The following GRM7 variants were observed in gnomAD, a reference collection of about 807,000 sequenced individuals.
The protein encoded by GRM7 is glutamate metabotropic receptor 7.
A neutral mutation model predicts 84.5 loss-of-function variants in GRM7; 35 were observed. The ratio of observed to expected loss-of-function variants is 0.41; its 90% CI spans 0.32 to 0.55. The LOEUF is 0.55. GRM7 is among the 20% of genes least tolerant of loss of function. The pLI, the probability that GRM7 is intolerant of heterozygous loss-of-function variation, is 0.19. For missense variants in GRM7, 1,003 were observed against 1,194.6 expected (o/e 0.84, Z 2.36); for synonymous variants, 487 against 455.1 (o/e 1.07, Z -0.89).
intron 8 of GRM7, among the ~76,000 whole-genome samples, chr3:7,664,697 A>C (rs73810851): frequency 0.063 from 9,564 of 152,180 alleles, 1,000 homozygotes; most frequent in African/African-American, 0.22. Flanking sequence ...TCTTATATGT[A>C]AGCTAAATAG....
At chr3:6,937,480 C>CATCTAGT (rs1261215157) in intron 1 of GRM7, among the ~76,000 whole-genome samples, 1 of 152,062 alleles carries the variant, frequency 6.6e-6, no homozygotes. Flanking sequence ...GACATGAATG[C>CATCTAGT]ATCTAGTATA....
intron 1 of GRM7, among the ~76,000 whole-genome samples, chr3:6,972,238 G>A (rs965574338): frequency 3.3e-5 from 5 of 152,118 alleles, no homozygotes; most frequent in Non-Finnish European, 2.9e-5. Flanking sequence ...ATGCAGGGCA[G>A]GAAGGCACTC....
At chr3:7,253,012 TAAAAAA>T (rs539835390) in intron 2 of GRM7, among the ~76,000 whole-genome samples, 3 of 70,796 alleles carry the variant, frequency 4.2e-5, no homozygotes, top group Non-Finnish European at 7.3e-5. Flanking sequence ...TGGCTTTTCT[TAAAAAA>T]AAAAAAAAAA....
intron 1 of GRM7, among the ~76,000 whole-genome samples, chr3:6,945,714 T>A (rs1204540693): frequency 6.6e-6 from 1 of 152,148 alleles, no homozygotes; most frequent in African/African-American, 2.4e-5. Flanking sequence ...CCACATCCTC[T>A]CCAGCACCTG....
At chr3:7,393,334 G>C (rs1423572844) in intron 4 of GRM7, among the ~76,000 whole-genome samples, 1 of 152,170 alleles carries the variant, frequency 6.6e-6, no homozygotes, top group Non-Finnish European at 1.5e-5. Context: ...ATCTCTGTGT[G>C]AGCTTCAGGT....
intron 1 of GRM7, among the ~76,000 whole-genome samples, chr3:7,018,915 G>A (rs1249393815): frequency 6.6e-6 from 1 of 152,138 alleles, no homozygotes; most frequent in East Asian, 1.9e-4. Flanking sequence ...TGGCCAGCAT[G>A]GTGAAACCCC....
At chr3:7,199,428 C>T (rs969239237) in intron 2 of GRM7, among the ~76,000 whole-genome samples, 1 of 152,178 alleles carries the variant, frequency 6.6e-6, no homozygotes, top group Non-Finnish European at 1.5e-5. Flanking sequence ...TCCCTGAATC[C>T]CTGACCCACA....
At chr3:7,167,702 G>A (rs981590969) in intron 2 of GRM7, among the ~76,000 whole-genome samples, 31 of 152,112 alleles carry the variant, frequency 2.0e-4, no homozygotes, top group Admixed American at 7.8e-4. Flanking sequence ...GGGCACGGGG[G>A]CTCACGCCTG....
intron 2 of GRM7, among the ~76,000 whole-genome samples, chr3:7,276,237 G>A (rs965458303): frequency 6.6e-6 from 1 of 150,602 alleles, no homozygotes; most frequent in Non-Finnish European, 1.5e-5. Flanking sequence ...GTGTGTGTGT[G>A]TGTGTGTGTG....
intron 1 of GRM7, among the ~76,000 whole-genome samples, chr3:6,998,381 T>TC (rs946096535): frequency 6.6e-6 from 1 of 152,006 alleles, no homozygotes; most frequent in Non-Finnish European, 1.5e-5. Context: ...CAGGGTACAG[T>TC]CCCCCCCAAA....
intron 7 of GRM7, among the ~76,000 whole-genome samples, chr3:7,464,742 G>A (rs1044072438): frequency 4.6e-5 from 7 of 151,262 alleles, no homozygotes; most frequent in Non-Finnish European, 4.4e-5. Context: ...GCAGGAGAAT[G>A]GCATGAACCC....
intron 1 of GRM7, among the ~76,000 whole-genome samples, chr3:6,986,130 T>A (rs555524380): frequency 6.6e-6 from 1 of 152,278 alleles, no homozygotes; most frequent in Admixed American, 6.5e-5. Context: ...TAGTAGCTAT[T>A]CTTAGTAACA....
In GRM7 at chr3:7,255,072, T is replaced by A. The variant is rs550467746; in HGVS notation, c.737-43612T>A. Among the ~76,000 whole-genome samples the A allele has an allele frequency of 2.0e-5, 3 of 152,322 alleles. No individual in the cohort carries two copies. In the East Asian group the frequency reaches 5.8e-4, roughly 29 times the overall value. On this transcript the variant is annotated intron_variant, in intron 2 of 9. Transcript: ENST00000357716. ...TCCATTTTCCTCTGCAAATATTTCATGGTAAGAAAGTACTGGTTTTGTTCT... is the reference window on the plus strand; with the variant it reads ...TCCATTTTCCTCTGCAAATATTTCAAGGTAAGAAAGTACTGGTTTTGTTCT...
chr3:7,261,359 A>G (rs559284330), intron 2 of GRM7, among the ~76,000 whole-genome samples: 170 of 152,246 alleles, frequency 1.1e-3, no homozygotes, highest in African/African-American at 4.0e-3. Flanking sequence ...TTATTGCACT[A>G]TGGTCCAAGA....
chr3:7,142,129 A>G (rs1285136263), intron 1 of GRM7, among the ~76,000 whole-genome samples: 2 of 152,104 alleles, frequency 1.3e-5, no homozygotes, highest in African/African-American at 4.8e-5. Context: ...GGCTTAGGTT[A>G]GGTCAAATAT....
At chr3:6,908,576 C>G (rs1180964746) in intron 1 of GRM7, among the ~76,000 whole-genome samples, 1 of 152,138 alleles carries the variant, frequency 6.6e-6, no homozygotes. Context: ...TGCCTTTTCA[C>G]AGGTGATTAT....
At chr3:7,224,203 G>A in intron 2 of GRM7, among the ~76,000 whole-genome samples, 1 of 152,208 alleles carries the variant, frequency 6.6e-6, no homozygotes, top group Admixed American at 6.5e-5. Flanking sequence ...TTCTGGGGAA[G>A]CCTGAGGAAA....
rs73808611 is a variant in GRM7 at position 7,020,539 on chromosome 3, C to A, written c.520-125913C>A. On this transcript the variant is annotated intron_variant, in intron 1 of 9. Transcript: ENST00000357716. ...ATTCCTGGAGTCCAACCCATACCTA[C>A]TGACATAATGTTTGAGAATCTGGGA... Among the ~76,000 whole-genome samples, 706 of 152,258 alleles carry A rather than the reference C, an allele frequency of 4.6e-3. 1 individual carries two copies. The highest frequency in any genetic ancestry group is 0.016 in the African/African-American group (666 of 41,554).
At chr3:7,114,134 T>A (rs1464038910) in intron 1 of GRM7, among the ~76,000 whole-genome samples, 1 of 152,130 alleles carries the variant, frequency 6.6e-6, no homozygotes. Flanking sequence ...AGCTTAACAT[T>A]TTGGGGAAAA....
Sources: gnomAD v4.1 joint callset for allele counts (sites outside exome capture counted in the v4.1 genomes callset) on GRCh38, gnomAD v4.1.1 for gene constraint, MANE v1.5 for transcripts, NCBI Gene and HGNC (gene_info 2026-07-23, HGNC 2026-07-21) for gene names.